Variants in CEACAM20 observed in about 807,000 individuals in gnomAD.
The protein encoded by CEACAM20 is CEA cell adhesion molecule 20.
CEACAM20 carries 50 observed loss-of-function variants against 61.2 expected under a neutral mutation model. That is an observed-to-expected ratio of 0.82 (90% CI 0.65 to 1.03). The LOEUF (loss-of-function observed/expected upper bound fraction) is 1.03, where lower values mean the gene tolerates loss of function less well. CEACAM20 is among the 50% of genes least tolerant of loss of function. The pLI is 0.00. For missense variants in CEACAM20, 683 were observed against 736.4 expected, an observed-to-expected ratio of 0.93 and a Z score of 0.84; for synonymous variants, 282 against 287.7, an observed-to-expected ratio of 0.98 and a Z score of 0.20.
chr19:44,515,113 C>T (rs1223175203), intron 6 of CEACAM20, among the ~76,000 whole-genome samples: 1 of 152,184 alleles, frequency 6.6e-6, no homozygotes, highest in Non-Finnish European at 1.5e-5. Flanking sequence ...GCTGGGATTA[C>T]AGACTTGAGC....
Position 44,512,045 on chromosome 19 carries a change from T to C in CEACAM20, c.1547A>G (p.Gln516Arg). 1 of 1,610,200 alleles carries C rather than the reference T, an allele frequency of 6.2e-7. No individual in the cohort carries two copies. Among genetic ancestry groups the C allele is most frequent in the Non-Finnish European group, 8.5e-7 (1 of 1,178,390 alleles). ...TTCGACTCTGATCCGTCCCTGAAGC[T>C]GGGATATATTGCGATACTCAGGACT... ...SLSPEYRNIS[Q>R]LQGRIRVELM... Residue 516 changes from glutamine (Q) to arginine (R), a missense_variant, in exon 9 of 12, where the codon CAG becomes CGG. Physicochemically the swap from Gln to Arg is conservative, Grantham distance 43 (BLOSUM62 1). Coordinates refer to ENST00000614924, the MANE Select transcript of CEACAM20 (RefSeq NM_001102597.3).
At chr19:44,511,586 A>G in intron 10 of CEACAM20, 51 bp downstream of exon 10, 2 of 1,557,220 alleles carry the variant, frequency 1.3e-6, no homozygotes, top group Non-Finnish European at 1.8e-6. Context: ...AAATTTTCAG[A>G]TTGTCTTTCC....
In CEACAM20 at chr19:44,512,883, T is replaced by C; in HGVS notation, c.1498A>G (p.Thr500Ala). The C allele has an allele frequency of 6.2e-7, 1 of 1,613,624 alleles. No homozygotes were observed. Among genetic ancestry groups the C allele is most frequent in the Middle Eastern group, 1.7e-4 (1 of 6,058 alleles). Residue 500 changes from threonine to alanine, a missense_variant, in exon 8 of 12, where the codon ACA (threonine) becomes GCA (alanine). By Grantham distance (58) the Thr-to-Ala change is moderately conservative. Transcript: ENST00000614924. Reference sequence around the variant, plus strand: ...AGTCACTTACCGGAACTGGGCTCTGTGGGGTGCTCCTCCTTCGGGATGGGT... The same window carrying C: ...AGTCACTTACCGGAACTGGGCTCTGCGGGGTGCTCCTCCTTCGGGATGGGT... ...SQPIPKEEHP[T>A]EPSSESLSPE...
intron 2 of CEACAM20, among the ~76,000 whole-genome samples, 169 bp from the exon 3 acceptor site, chr19:44,524,430 C>T (rs908647881): frequency 1.3e-5 from 2 of 152,252 alleles, no homozygotes; most frequent in Non-Finnish European, 2.9e-5. Context: ...TTCTTGGTGT[C>T]ATCTTCGGCA....
intron 11 of CEACAM20, among the ~76,000 whole-genome samples, chr19:44,510,284 G>A (rs1178848713): frequency 6.6e-6 from 1 of 151,886 alleles, no homozygotes; most frequent in South Asian, 2.1e-4. Flanking sequence ...GGCCAAGGCG[G>A]GCAGATCAAT....
In CEACAM20 at chr19:44,513,176, T is replaced by G. The variant is rs770959812; in HGVS notation, c.1423A>C (p.Arg475=). ...LGYFLCIRNA[R]RPSRKTTEDP... ...CTCCCTGTATCCCTGTGTTACCGTC[T>G]GGCATTTCTGATGCAGAGAAAATAG... Residue 475 remains arginine (R), a synonymous_variant, in exon 7 of 12, where the codon AGA becomes CGA. Transcript: ENST00000614924. 1.2e-6 allele frequency: 2 copies of G among 1,610,296 alleles called. No individual in the cohort carries two copies. The highest frequency in any genetic ancestry group is 2.2e-5 in the South Asian group (2 of 90,900).
intron 11 of CEACAM20, among the ~76,000 whole-genome samples, chr19:44,507,117 GA>G (rs1433130595): frequency 6.6e-6 from 1 of 152,156 alleles, no homozygotes; most frequent in African/African-American, 2.4e-5. Context: ...TTCTATTGAA[GA>G]GGCTGGGAAT....
chr19:44,511,626 G>A lies in CEACAM20; in HGVS notation c.1611+11C>T. ...TAGATTCTTTAACCAAACCCAGCAGGGCCAATGTACCTCATAGGTCTCCTC... is the reference window on the plus strand; with the variant it reads ...TAGATTCTTTAACCAAACCCAGCAGAGCCAATGTACCTCATAGGTCTCCTC... On this transcript the variant is annotated intron_variant, in intron 10 of 11. Transcript: ENST00000614924. 1 of 1,611,758 alleles carries A rather than the reference G, an allele frequency of 6.2e-7. No homozygotes were observed. The highest frequency in any genetic ancestry group is 8.5e-7 in the Non-Finnish European group (1 of 1,179,016).
rs1479945587 is a variant in CEACAM20, at chr19:44,516,928, C to A, written c.1309+18G>T. The stretch of plus-strand genomic sequence containing the variant: ...AGGCCCCTCGGGTCCTGGGAGAAGG[C>A]GACCCTGAGAGACTCACCTACCACC... On this transcript the variant is annotated intron_variant, in intron 6 of 11. Coordinates refer to ENST00000614924, the MANE Select transcript of CEACAM20 (RefSeq NM_001102597.3). 6.3e-7 allele frequency: 1 copy of A among 1,583,094 alleles called. No homozygotes were observed. Among genetic ancestry groups the A allele is most frequent in the Non-Finnish European group, 8.6e-7 (1 of 1,165,048 alleles).
intron 5 of CEACAM20, 144 bp from the exon 6 acceptor site, chr19:44,517,368 T>C (rs1230727960): frequency 9.3e-7 from 1 of 1,074,680 alleles, no homozygotes. Flanking sequence ...AAGCAGAGTG[T>C]GGTCCACAAC....
At chr19:44,528,138 T>C (rs1340844868) in intron 1 of CEACAM20, among the ~76,000 whole-genome samples, 1 of 128,948 alleles carries the variant, frequency 7.8e-6, no homozygotes, top group Non-Finnish European at 1.6e-5. Context: ...TGGTATCTCT[T>C]TCTTTCTTTT....
Position 44,529,473 on chromosome 19 carries a change from C to T in CEACAM20, c.37G>A (p.Gly13Arg). The change falls in exon 1 of 12, where the codon GGA becomes AGA. Residue 13 changes from glycine to arginine, a missense_variant. By Grantham distance (125) the Gly-to-Arg change is moderately radical. Transcript: ENST00000614924. ...PADSWGHHWM[G>R]ILLSASLCTV... ...GGGCACTCACCTGAAAGCAGGATTC[C>T]CATCCAGTGGTGTCCCCATGAGTCA... The T allele has an allele frequency of 6.2e-7, 1 of 1,613,554 alleles. No homozygotes were observed. Among genetic ancestry groups the T allele is most frequent in the Admixed American group, 1.7e-5 (1 of 59,954 alleles).
chr19:44,516,326 T>C (rs2123584082), intron 6 of CEACAM20, among the ~76,000 whole-genome samples: 1 of 152,316 alleles, frequency 6.6e-6, no homozygotes, highest in Non-Finnish European at 1.5e-5. Context: ...GGCATCACGA[T>C]ATGATTTGGC....
chr19:44,510,615 GAAGGAAGGAAGAAAGAAAGA>G (rs1970965286), intron 11 of CEACAM20, among the ~76,000 whole-genome samples: 1 of 82,516 alleles, frequency 1.2e-5, no homozygotes, highest in African/African-American at 5.6e-5. Flanking sequence ...AAAGAAAAAG[GAAGGAAGGAAGAAAGAAAGA>G]GAAGAAAGAA....
intron 11 of CEACAM20, among the ~76,000 whole-genome samples, chr19:44,507,183 A>C (rs1252191197): frequency 1.3e-5 from 2 of 152,162 alleles, no homozygotes; most frequent in Non-Finnish European, 2.9e-5. Flanking sequence ...ATATGACCTT[A>C]TTCTGGCTAA....
chr19:44,523,187 T>C (rs140258645), intron 3 of CEACAM20, among the ~76,000 whole-genome samples: 1 of 152,118 alleles, frequency 6.6e-6, no homozygotes, highest in Non-Finnish European at 1.5e-5. Context: ...GGCAAGAGAA[T>C]TGCTTGGAGC....
At chr19:44,512,626 A>C (rs1246719652) in intron 8 of CEACAM20, among the ~76,000 whole-genome samples, 1 of 152,220 alleles carries the variant, frequency 6.6e-6, no homozygotes, top group Non-Finnish European at 1.5e-5. Flanking sequence ...TCTGAGATTG[A>C]GAAAGGAGAG....
chr19:44,510,245 C>T (rs1245903125), intron 11 of CEACAM20, among the ~76,000 whole-genome samples: 1 of 151,918 alleles, frequency 6.6e-6, no homozygotes, highest in Non-Finnish European at 1.5e-5. Flanking sequence ...GGCAGGGTGG[C>T]TCATTCCTGT....
intron 11 of CEACAM20, 30 bp from the exon 12 acceptor site, chr19:44,506,244 A>G (rs767551028): frequency 6.2e-7 from 1 of 1,605,942 alleles, no homozygotes; most frequent in Non-Finnish European, 8.5e-7. Flanking sequence ...TGTGAGCTCC[A>G]TTTGCTAGGT....
Sources: allele counts gnomAD v4.1 joint callset (sites outside exome capture counted in the v4.1 genomes callset), GRCh38; gene constraint gnomAD v4.1.1; transcripts MANE v1.5; gene names NCBI Gene and HGNC (gene_info 2026-07-23, HGNC 2026-07-21).